The following AXDND1 variants were observed in gnomAD, a reference collection of about 807,000 sequenced individuals.
AXDND1 encodes the protein axonemal dynein light chain domain containing 1.
In AXDND1, 110 loss-of-function variants were observed where a neutral mutation model predicts 137.5. The observed-to-expected ratio is 0.80, with a 90% CI of 0.69 to 0.94. AXDND1 has a LOEUF of 0.94. Ranked by LOEUF, AXDND1 falls within the 40% of genes least tolerant of loss-of-function variation. The probability of loss-of-function intolerance (pLI) is 0.00; values close to 1 mark genes in which losing one functional copy is unlikely to be tolerated. For missense variants in AXDND1, 1,191 were observed against 1,169.8 expected (o/e 1.02, Z -0.26); for synonymous variants, 414 against 399.7 (o/e 1.04, Z -0.43).
chr1:179,449,077 G>T (rs1257080813), intron 16 of AXDND1: 6 of 442,332 alleles, frequency 1.4e-5, no homozygotes, highest in Non-Finnish European at 2.7e-5. Context: ...GTAGAGACAG[G>T]ATCTCACCGT....
intron 18 of AXDND1, among the ~76,000 whole-genome samples, chr1:179,485,792 A>G (rs2125552046): frequency 1.3e-5 from 2 of 152,298 alleles, no homozygotes; most frequent in Middle Eastern, 6.8e-3. Flanking sequence ...TTACAATAAA[A>G]TGATACAGGA....
intron 20 of AXDND1, among the ~76,000 whole-genome samples, chr1:179,503,200 G>T (rs1408155015): frequency 1.3e-5 from 2 of 151,882 alleles, no homozygotes; most frequent in Non-Finnish European, 2.9e-5. Context: ...GAATATTATG[G>T]TATATGAGGA....
intron 17 of AXDND1, among the ~76,000 whole-genome samples, chr1:179,469,407 T>C (rs1302971059): frequency 1.3e-5 from 2 of 152,258 alleles, no homozygotes; most frequent in Non-Finnish European, 2.9e-5. Flanking sequence ...TATTCATTTG[T>C]CCATTGATAG....
At chr1:179,369,668 A>C (rs1399019498) in intron 3 of AXDND1, among the ~76,000 whole-genome samples, 1 of 152,086 alleles carries the variant, frequency 6.6e-6, no homozygotes, top group Non-Finnish European at 1.5e-5. Context: ...AAAAAATTTA[A>C]AATAATTTCT....
chr1:179,471,471 A>C (rs946275202), intron 17 of AXDND1, among the ~76,000 whole-genome samples: 1 of 152,152 alleles, frequency 6.6e-6, no homozygotes, highest in African/African-American at 2.4e-5. Context: ...ATTTCATCCA[A>C]GTTATCTGAT....
At chr1:179,544,167 C>T (rs564338265) in intron 25 of AXDND1, 2 of 152,454 alleles carry the variant, frequency 1.3e-5, no homozygotes, top group South Asian at 4.1e-4. Context: ...AGCATTTTCT[C>T]TTTAAGTCAC....
At chr1:179,415,140 A>G (rs11585325) in intron 12 of AXDND1, among the ~76,000 whole-genome samples, 97,737 of 152,024 alleles carry the variant, frequency 0.64, 31,804 homozygotes, top group Middle Eastern at 0.7. Flanking sequence ...TTAGGAGCTC[A>G]AGACCAGCCT....
intron 18 of AXDND1, among the ~76,000 whole-genome samples, chr1:179,486,873 C>T (rs1203879921): frequency 6.7e-6 from 1 of 148,568 alleles, no homozygotes; most frequent in Non-Finnish European, 1.5e-5. Flanking sequence ...ACGACAAATA[C>T]ACACTTGGGT....
chr1:179,521,026 GT>G (rs1407243159), intron 21 of AXDND1, among the ~76,000 whole-genome samples: 1 of 151,844 alleles, frequency 6.6e-6, no homozygotes, highest in Non-Finnish European at 1.5e-5. Flanking sequence ...CAGCGGTCCA[GT>G]TATGGTTCAC....
chr1:179,389,738 T>C (rs546113766), intron 9 of AXDND1, among the ~76,000 whole-genome samples: 1 of 152,318 alleles, frequency 6.6e-6, no homozygotes, highest in South Asian at 2.1e-4. Flanking sequence ...CTTTGAAAAG[T>C]GTGTTCTCTT....
intron 15 of AXDND1, among the ~76,000 whole-genome samples, chr1:179,435,428 C>T (rs576323967): frequency 1.3e-5 from 2 of 152,228 alleles, no homozygotes; most frequent in African/African-American, 4.8e-5. Flanking sequence ...ATCATGCTAC[C>T]TGATTCAAAC....
At chr1:179,549,319 G>A (rs765335513) in intron 25 of AXDND1, among the ~76,000 whole-genome samples, 6 of 151,968 alleles carry the variant, frequency 3.9e-5, no homozygotes, top group Non-Finnish European at 7.4e-5. Flanking sequence ...GCAACTTATC[G>A]CTATGATTTC....
At chr1:179,509,465 G>T in intron 21 of AXDND1, 62 bp downstream of exon 21, 1 of 1,078,754 alleles carries the variant, frequency 9.3e-7, no homozygotes, top group Non-Finnish European at 1.4e-6. Flanking sequence ...AGTACAGAAG[G>T]TTCACAGCTT....
At chr1:179,379,730 A>G (rs1331039330) in intron 6 of AXDND1, among the ~76,000 whole-genome samples, 1 of 142,774 alleles carries the variant, frequency 7.0e-6, no homozygotes, top group Non-Finnish European at 1.5e-5. Context: ...TGGGAGGCGG[A>G]GGTTGCAGTG....
intron 18 of AXDND1, among the ~76,000 whole-genome samples, chr1:179,488,725 TTTCTCTCTCTCTCTTTC>T (rs1425185360): frequency 6.7e-5 from 6 of 90,074 alleles, no homozygotes; most frequent in African/African-American, 1.2e-4. Context: ...TCTCTCTTTC[TTTCTCTCTCTCTCTTTC>T]TTTTTTTTTT....
At chr1:179,456,512 G>T in intron 16 of AXDND1, 1 of 772,454 alleles carries the variant, frequency 1.3e-6, no homozygotes. Context: ...CACTGCCCTG[G>T]CTTCCATAAC....
At chr1:179,450,438 G>C (rs7535603) in intron 16 of AXDND1, 133,010 of 152,252 alleles carry the variant, frequency 0.87, 58,210 homozygotes, top group East Asian at 0.9. Flanking sequence ...ATGAGTCTTT[G>C]CCGATTAAGT....
chr1:179,373,381 C>T (rs551864914), intron 4 of AXDND1, among the ~76,000 whole-genome samples: 8 of 152,260 alleles, frequency 5.3e-5, no homozygotes, highest in Middle Eastern at 6.8e-3. Context: ...GAATCAATAT[C>T]GTGAAAATGG....
intron 16 of AXDND1, chr1:179,451,569 G>T (rs555778863): frequency 2.6e-4 from 39 of 152,212 alleles, no homozygotes; most frequent in Admixed American, 8.5e-4. Context: ...ATATGGCTTG[G>T]CTGTGTCCCC....
Sources: gnomAD v4.1 joint callset for allele counts (sites outside exome capture counted in the v4.1 genomes callset) on GRCh38, gnomAD v4.1.1 for gene constraint, MANE v1.5 for transcripts, NCBI Gene and HGNC (gene_info 2026-07-23, HGNC 2026-07-21) for gene names.